Variants in PTPRD observed in about 807,000 individuals in gnomAD.
PTPRD encodes the protein protein tyrosine phosphatase receptor type D.
A neutral mutation model predicts 214.5 loss-of-function variants in PTPRD; 34 were observed. The ratio of observed to expected loss-of-function variants is 0.16; its 90% confidence interval spans 0.12 to 0.21. The LOEUF is 0.21. Among genes scored for constraint, PTPRD ranks in the 10% least tolerant of loss-of-function variants. PTPRD has a pLI of 1.00. For missense variants in PTPRD, 2,545 were observed against 2,398.7 expected (o/e 1.06, Z -1.27); for synonymous variants, 1,128 against 845.7 (o/e 1.33, Z -5.79).
chr9:9,054,090 A>G (rs2099691803), intron 10 of PTPRD, among the ~76,000 whole-genome samples: 1 of 152,186 alleles, frequency 6.6e-6, no homozygotes, highest in African/African-American at 2.4e-5. Flanking sequence ...CTCCTGGTCC[A>G]TGCACCAAAT....
At chr9:8,855,795 G>T (rs1422998924) in intron 11 of PTPRD, among the ~76,000 whole-genome samples, 1 of 152,134 alleles carries the variant, frequency 6.6e-6, no homozygotes, top group Non-Finnish European at 1.5e-5. Flanking sequence ...TCCCCTTGCT[G>T]TCCTTCCTTC....
At chr9:9,111,921 T>C (rs1320831574) in intron 10 of PTPRD, among the ~76,000 whole-genome samples, 4 of 152,136 alleles carry the variant, frequency 2.6e-5, no homozygotes, top group African/African-American at 9.7e-5. Flanking sequence ...GACTGCTTCA[T>C]AGGCACTTTC....
rs543364369 is a variant in PTPRD, at chr9:9,244,434, C to G, written c.-202-61071G>C. ...AAACACCATGGTACTGGTACCAATA[C>G]AGAGATATAGACCAATGGAACAGAA... On this transcript the variant is annotated intron_variant, in intron 9 of 45. Transcript: ENST00000381196. 7.4e-3 allele frequency among the ~76,000 whole-genome samples: 1,123 copies of G among 152,204 alleles called. 15 individuals are homozygous for G. Among genetic ancestry groups the G allele is most frequent in the African/African-American group, 0.026 (1,076 of 41,518 alleles).
At chr9:9,641,399 T>G (rs183083189) in intron 7 of PTPRD, among the ~76,000 whole-genome samples, 2 of 152,248 alleles carry the variant, frequency 1.3e-5, no homozygotes, top group African/African-American at 4.8e-5. Context: ...CACATCCCTT[T>G]CTTCAAATAA....
chr9:9,137,578 C>G (rs1372505726), intron 10 of PTPRD, among the ~76,000 whole-genome samples: 2 of 152,078 alleles, frequency 1.3e-5, no homozygotes, highest in Admixed American at 1.3e-4. Flanking sequence ...ATATTGAAAC[C>G]ATGGATGAAC....
intron 31 of PTPRD, among the ~76,000 whole-genome samples, chr9:8,470,325 CA>C (rs1257181110): frequency 2.6e-5 from 4 of 152,060 alleles, no homozygotes; most frequent in African/African-American, 9.7e-5. Context: ...CATTACCTTT[CA>C]AAAATGTCCT....
At chr9:8,446,734 A>C (rs1346443715) in intron 34 of PTPRD, among the ~76,000 whole-genome samples, 1 of 152,218 alleles carries the variant, frequency 6.6e-6, no homozygotes, top group Non-Finnish European at 1.5e-5. Flanking sequence ...AGTGAAATGT[A>C]AATAATTTAA....
At chr9:9,039,261 G>A (rs977034027) in intron 10 of PTPRD, among the ~76,000 whole-genome samples, 1 of 152,174 alleles carries the variant, frequency 6.6e-6, no homozygotes, top group Non-Finnish European at 1.5e-5. Flanking sequence ...GCTAGCAATG[G>A]AAATATGAGA....
At chr9:9,273,816 G>C (rs1569566520) in intron 9 of PTPRD, among the ~76,000 whole-genome samples, 4 of 151,320 alleles carry the variant, frequency 2.6e-5, no homozygotes, top group East Asian at 4.0e-4. Flanking sequence ...ATCTGACTAG[G>C]AGTTTTGACC....
chr9:9,212,994 A>T (rs993691850), intron 9 of PTPRD, among the ~76,000 whole-genome samples: 20 of 152,166 alleles, frequency 1.3e-4, no homozygotes, highest in Non-Finnish European at 4.4e-5. Context: ...TATAACTGTG[A>T]CCTGTTTTTT....
Position 9,657,864 on chromosome 9 carries a change from T to C in PTPRD, c.-287+76669A>G, listed in dbSNP as rs191868334. Among the ~76,000 whole-genome samples the C allele has an allele frequency of 3.2e-3, 494 of 152,220 alleles. 5 individuals carry two copies. The highest frequency in any genetic ancestry group is 7.9e-3 in the South Asian group (38 of 4,834). On this transcript the variant is annotated intron_variant, in intron 7 of 45. Coordinates refer to ENST00000381196, the MANE Select transcript of PTPRD (RefSeq NM_002839.4). Reference sequence around the variant, plus strand: ...GGACAAAACCTCCATAAGTACCTAGTTGAGGAGTGCAATATAAAACAGTGA... The same window carrying C: ...GGACAAAACCTCCATAAGTACCTAGCTGAGGAGTGCAATATAAAACAGTGA...
At chr9:9,112,975 T>C (rs531262085) in intron 10 of PTPRD, among the ~76,000 whole-genome samples, 1 of 151,674 alleles carries the variant, frequency 6.6e-6, no homozygotes, top group African/African-American at 2.4e-5. Flanking sequence ...TTTCTTTTTT[T>C]TTTGTTTGAG....
intron 9 of PTPRD, among the ~76,000 whole-genome samples, chr9:9,221,863 A>T (rs541742387): frequency 6.6e-6 from 1 of 152,166 alleles, no homozygotes; most frequent in South Asian, 2.1e-4. Context: ...CTGTACCTAA[A>T]CAAGAAATAC....
chr9:8,413,131 A>C (rs1476773277), intron 35 of PTPRD, among the ~76,000 whole-genome samples: 1 of 152,178 alleles, frequency 6.6e-6, no homozygotes, highest in East Asian at 1.9e-4. Context: ...TGTCTAGCCT[A>C]ATTTTAAACA....
chr9:10,477,894 A>T (rs894122460), intron 2 of PTPRD, among the ~76,000 whole-genome samples: 1 of 152,068 alleles, frequency 6.6e-6, no homozygotes, highest in Non-Finnish European at 1.5e-5. Flanking sequence ...AAAACCAAAC[A>T]CTGCATTTTC....
intron 3 of PTPRD, among the ~76,000 whole-genome samples, chr9:10,254,167 T>A (rs1006798836): frequency 6.6e-6 from 1 of 152,234 alleles, no homozygotes; most frequent in African/African-American, 2.4e-5. Flanking sequence ...AATTTTTGTT[T>A]ATTTACCTTT....
At chr9:8,729,239 A>T (rs1276016910) in intron 12 of PTPRD, among the ~76,000 whole-genome samples, 1 of 152,208 alleles carries the variant, frequency 6.6e-6, no homozygotes, top group African/African-American at 2.4e-5. Context: ...TAAATGTGTA[A>T]TTCTAAGAAG....
intron 4 of PTPRD, among the ~76,000 whole-genome samples, chr9:9,952,447 T>A (rs1318714526): frequency 1.3e-5 from 2 of 152,088 alleles, no homozygotes; most frequent in Admixed American, 1.3e-4. Flanking sequence ...CAAACAAGGA[T>A]GTTGTTCAAT....
At chr9:8,548,171 G>A (rs993344820) in intron 14 of PTPRD, among the ~76,000 whole-genome samples, 1 of 152,174 alleles carries the variant, frequency 6.6e-6, no homozygotes, top group East Asian at 1.9e-4. Flanking sequence ...CTAAGGTCCA[G>A]GAAAGATTAA....
Sources: gnomAD v4.1 joint callset for allele counts (sites outside exome capture counted in the v4.1 genomes callset) on GRCh38, gnomAD v4.1.1 for gene constraint, MANE v1.5 for transcripts, NCBI Gene and HGNC (gene_info 2026-07-23, HGNC 2026-07-21) for gene names.